Variants in MEIS2 observed in about 807,000 individuals in gnomAD.
MEIS2 encodes the protein Meis homeobox 2.
A neutral mutation model predicts 58.6 loss-of-function variants in MEIS2; 9 were observed. That is an observed-to-expected ratio of 0.15 (90% CI 0.09 to 0.27). The LOEUF (loss-of-function observed/expected upper bound fraction) is 0.27, where lower values mean the gene tolerates loss of function less well. Among genes scored for constraint, MEIS2 ranks in the 10% least tolerant of loss-of-function variants. The pLI, the probability that MEIS2 is intolerant of heterozygous loss-of-function variation, is 1.00. For synonymous variants in MEIS2, 221 were observed against 228.4 expected (o/e 0.97, Z 0.29); for missense variants, 427 against 635.0 (o/e 0.67, Z 3.52).
chr15:37,078,603 A>G (rs145021646), intron 7 of MEIS2, among the ~76,000 whole-genome samples: 2 of 87,848 alleles, frequency 2.3e-5, no homozygotes, highest in Non-Finnish European at 4.6e-5. Flanking sequence ...GGAAAAAACA[A>G]CCAAAAAAAA....
intron 11 of MEIS2, 103 bp from the exon 12 acceptor site, chr15:36,892,562 TG>T (rs1555417660): frequency 9.9e-7 from 1 of 1,006,160 alleles, no homozygotes; most frequent in Non-Finnish European, 1.5e-6. Context: ...CAACAGACAC[TG>T]CAAATCTTAT....
At chr15:37,027,148 A>T (rs547519707) in intron 8 of MEIS2, among the ~76,000 whole-genome samples, 1 of 152,338 alleles carries the variant, frequency 6.6e-6, no homozygotes, top group African/African-American at 2.4e-5. Flanking sequence ...TACCTAAGTC[A>T]CTATTTCTTA....
At chr15:37,048,241 G>A (rs569188151) in intron 7 of MEIS2, among the ~76,000 whole-genome samples, 1 of 152,018 alleles carries the variant, frequency 6.6e-6, no homozygotes, top group Non-Finnish European at 1.5e-5. Flanking sequence ...TATACTATAT[G>A]TTTTAGTATA....
In MEIS2 at chr15:36,895,327, G is replaced by A; in HGVS notation, c.1037-66C>T. 7 of 1,390,484 alleles carry A rather than the reference G, an allele frequency of 5.0e-6. No homozygotes were observed. The South Asian group carries it at 8.3e-5, about 17-fold the overall frequency. The allele number at this position is 1,390,484 out of a possible 1,614,324, so 86.1% of individuals were successfully genotyped here. A position where few individuals can be genotyped will look rare whatever the true frequency, so the allele number is the denominator to read the frequency against. Reference sequence around the variant, plus strand: ...AAGATATACCAAACAATCAGCAATTGTTCCCGCTGCAGCACTGAAACGTTA... The same window carrying A: ...AAGATATACCAAACAATCAGCAATTATTCCCGCTGCAGCACTGAAACGTTA... On this transcript the variant is annotated intron_variant, in intron 10 of 11. Transcript: ENST00000561208.
At chr15:36,985,995 T>A (rs1384008904) in intron 8 of MEIS2, among the ~76,000 whole-genome samples, 2 of 152,210 alleles carry the variant, frequency 1.3e-5, no homozygotes, top group Non-Finnish European at 2.9e-5. Flanking sequence ...CTATTGGTAT[T>A]AGTTTCTAGC....
intron 9 of MEIS2, among the ~76,000 whole-genome samples, chr15:36,941,707 GATCAATCT>G (rs2058381751): frequency 6.6e-6 from 1 of 152,182 alleles, no homozygotes; most frequent in Admixed American, 6.5e-5. Context: ...CTGTAAAGGA[GATCAATCT>G]ATCAATCACG....
At chr15:36,986,737 T>C (rs1202806542) in intron 8 of MEIS2, among the ~76,000 whole-genome samples, 5 of 152,210 alleles carry the variant, frequency 3.3e-5, no homozygotes, top group Non-Finnish European at 7.3e-5. Context: ...CCTTTTGTCC[T>C]CTCAGCCCTA....
chr15:36,924,903 C>T (rs2141308931), intron 9 of MEIS2, among the ~76,000 whole-genome samples: 1 of 152,294 alleles, frequency 6.6e-6, no homozygotes, highest in South Asian at 2.1e-4. Flanking sequence ...CCTTAATTTC[C>T]TCTCAGGCTC....
chr15:36,994,437 C>A (rs2060404859), intron 8 of MEIS2, among the ~76,000 whole-genome samples: 1 of 152,162 alleles, frequency 6.6e-6, no homozygotes, highest in African/African-American at 2.4e-5. Context: ...ATTTATAAGA[C>A]TACCAAATGT....
intron 7 of MEIS2, among the ~76,000 whole-genome samples, chr15:37,078,799 TTTAA>T (rs1440519959): frequency 6.6e-6 from 1 of 151,950 alleles, no homozygotes; most frequent in Admixed American, 6.6e-5. Context: ...AGTATTCAAG[TTTAA>T]TTACTACTCT....
chr15:36,982,014 C>T (rs1293657601), intron 8 of MEIS2, among the ~76,000 whole-genome samples: 1 of 152,096 alleles, frequency 6.6e-6, no homozygotes, highest in Non-Finnish European at 1.5e-5. Flanking sequence ...TCCCCTGGTT[C>T]TCCGGCCTTT....
Position 37,099,520 on chromosome 15 carries a change from C to G in MEIS2, c.-54G>C. On this transcript the variant is annotated 5_prime_UTR_variant, in exon 1 of 12. Transcript: ENST00000561208. ...GTGTCGTATATTTAATATCCCAGTC[C>G]GGATAAGAAAGTGATCTAGGCTGAA... is the stretch of plus-strand genomic sequence containing the variant. 6.2e-7 allele frequency: 1 copy of G among 1,610,854 alleles called. No individual in the cohort carries two copies. The highest frequency in any genetic ancestry group is 8.5e-7 in the Non-Finnish European group (1 of 1,178,990).
At chr15:36,963,354 C>T (rs987640128) in intron 8 of MEIS2, among the ~76,000 whole-genome samples, 11 of 148,968 alleles carry the variant, frequency 7.4e-5, no homozygotes, top group Non-Finnish European at 1.5e-4. Flanking sequence ...CACTCCAGCC[C>T]GGGTGACAGT....
At chr15:36,994,122 C>T (rs189645593) in intron 8 of MEIS2, among the ~76,000 whole-genome samples, 21 of 152,068 alleles carry the variant, frequency 1.4e-4, no homozygotes, top group Admixed American at 1.4e-3. Flanking sequence ...ATAACCTAGG[C>T]AGCAAGGGAA....
At chr15:37,067,254 T>TACAA (rs1890077553) in intron 7 of MEIS2, among the ~76,000 whole-genome samples, 1 of 152,058 alleles carries the variant, frequency 6.6e-6, no homozygotes, top group South Asian at 2.1e-4. Context: ...CATGTCTGGC[T>TACAA]AATTTTTGTA....
At position 36,998,236 on chromosome 15, in the gene MEIS2, GTTTTT is replaced by G. The variant is rs5811954; in HGVS notation, c.900+38573_900+38577del. 2.1e-4 allele frequency among the ~76,000 whole-genome samples: 14 copies of G among 66,772 alleles called. No individual in the cohort carries two copies. The South Asian group carries it at 6.7e-3, about 32-fold the overall frequency. The allele number at this position is 66,772 out of a possible 152,430, so 43.8% of individuals were successfully genotyped here. A position where few individuals can be genotyped will look rare whatever the true frequency, so the allele number is the denominator to read the frequency against. ...GGATATATTGTCGTAAAAACACAAA[GTTTTT>G]TTTTTTTTTTTTTTTTTTTTGGTCT... On this transcript the variant is annotated intron_variant, in intron 8 of 11. Coordinates refer to ENST00000561208, the MANE Select transcript of MEIS2 (RefSeq NM_170675.5).
Position 37,096,387 on chromosome 15 carries a change from C to T in MEIS2, c.289G>A (p.Glu97Lys). ...TCCCGGGGAGTGCAGGTCGCCAGCTCGCACTTCTCAAAGACCAGAGCTAAC... is the reference window on the plus strand; with the variant it reads ...TCCCGGGGAGTGCAGGTCGCCAGCTTGCACTTCTCAAAGACCAGAGCTAAC... The part of the protein sequence containing the change: ...PLLALVFEKC[E>K]LATCTPREPG... The change falls in exon 3 of 12, where the codon GAG becomes AAG. Residue 97 changes from glutamate to lysine, a missense_variant. Glu to Lys is a moderately conservative substitution (Grantham distance 56). Transcript: ENST00000561208. 6.2e-7 allele frequency: 1 copy of T among 1,614,016 alleles called. No homozygotes were observed. The highest frequency in any genetic ancestry group is 8.5e-7 in the Non-Finnish European group (1 of 1,180,008).
chr15:36,958,883 G>A (rs1562805), intron 8 of MEIS2, among the ~76,000 whole-genome samples: 40,863 of 152,028 alleles, frequency 0.27, 6,377 homozygotes, highest in Non-Finnish European at 0.37. Flanking sequence ...AATATTTTAT[G>A]GGGCCACTCA....
intron 8 of MEIS2, among the ~76,000 whole-genome samples, chr15:36,997,967 C>G (rs2060585927): frequency 6.6e-6 from 1 of 152,158 alleles, no homozygotes; most frequent in Non-Finnish European, 1.5e-5. Flanking sequence ...TTGCCCTATC[C>G]CCTGTCATAT....
Sources: allele counts gnomAD v4.1 joint callset (sites outside exome capture counted in the v4.1 genomes callset), GRCh38; gene constraint gnomAD v4.1.1; transcripts MANE v1.5; gene names NCBI Gene and HGNC (gene_info 2026-07-23, HGNC 2026-07-21).